Variants in SLC35D2 observed in about 807,000 individuals in gnomAD.
SLC35D2 encodes nucleotide sugar transporter SLC35D2.
SLC35D2 carries 43 observed loss-of-function variants against 41.8 expected under a neutral mutation model. The observed-to-expected ratio is 1.03, with a 90% CI of 0.81 to 1.33. The LOEUF is 1.33. Among genes scored for constraint, SLC35D2 ranks in the 40% most tolerant of loss-of-function variants. The probability of loss-of-function intolerance (pLI) is 0.00; values close to 1 mark genes in which losing one functional copy is unlikely to be tolerated. For synonymous variants in SLC35D2, 150 were observed against 163.9 expected, an observed-to-expected ratio of 0.92 and a Z score of 0.65; for missense variants, 380 against 408.4, an observed-to-expected ratio of 0.93 and a Z score of 0.60.
At chr9:96,378,096 A>T (rs1008869713) in intron 1 of SLC35D2, among the ~76,000 whole-genome samples, 1 of 152,186 alleles carries the variant, frequency 6.6e-6, no homozygotes, top group African/African-American at 2.4e-5. Context: ...TTTTATTAAA[A>T]AAAACCTCTC....
chr9:96,360,645 A>G (rs1329740023), intron 3 of SLC35D2, among the ~76,000 whole-genome samples: 4 of 150,084 alleles, frequency 2.7e-5, no homozygotes, highest in Non-Finnish European at 4.4e-5. Flanking sequence ...AAAAAAAAAA[A>G]AAAAAAAAAG....
At chr9:96,365,388 G>GAC (rs1564120752) in intron 2 of SLC35D2, among the ~76,000 whole-genome samples, 1 of 151,346 alleles carries the variant, frequency 6.6e-6, no homozygotes, top group African/African-American at 2.4e-5. Context: ...ATATCCAATA[G>GAC]ACACACACAC....
chr9:96,382,490 C>CTATATAT (rs1238926572), intron 1 of SLC35D2, among the ~76,000 whole-genome samples: 308 of 144,862 alleles, frequency 2.1e-3, no homozygotes, highest in Non-Finnish European at 3.6e-3. Flanking sequence ...CACACACACA[C>CTATATAT]ACACACTATA....
intron 4 of SLC35D2, among the ~76,000 whole-genome samples, chr9:96,354,793 T>C (rs1272749814): frequency 8.3e-6 from 1 of 120,310 alleles, no homozygotes; most frequent in East Asian, 2.5e-4. Context: ...AAAAAAAAAG[T>C]TACCAAAGCA....
chr9:96,326,952 TGCC>T (rs1828563995), intron 9 of SLC35D2, among the ~76,000 whole-genome samples: 2 of 152,244 alleles, frequency 1.3e-5, no homozygotes, highest in Non-Finnish European at 2.9e-5. Context: ...TGCCACTGAG[TGCC>T]TGCTCTGCCA....
intron 9 of SLC35D2, 143 bp downstream of exon 9, chr9:96,336,574 A>G (rs1478481707): frequency 3.3e-6 from 2 of 601,592 alleles, no homozygotes; most frequent in Non-Finnish European, 5.9e-6. Flanking sequence ...GGTCCCTGAC[A>G]CCTCCTTTGC....
In SLC35D2 at chr9:96,327,238, T is replaced by G. The variant is rs71499936; in HGVS notation, c.753-3069A>C. Among the ~76,000 whole-genome samples, 778 of 152,330 alleles carry G rather than the reference T, an allele frequency of 5.1e-3. 2 individuals are homozygous for G. The highest frequency in any genetic ancestry group is 8.2e-3 in the Non-Finnish European group (561 of 68,026). On this transcript the variant is annotated intron_variant, in intron 9 of 11. Coordinates refer to ENST00000253270, the MANE Select transcript of SLC35D2 (RefSeq NM_007001.3). ...ATTTTCTCCATCCTCCATTTTTCTT[T>G]TCTTAAAAAAGGGTTGGGGGGAACC...
At chr9:96,326,194 T>C (rs1828519526) in intron 9 of SLC35D2, among the ~76,000 whole-genome samples, 1 of 152,204 alleles carries the variant, frequency 6.6e-6, no homozygotes, top group Non-Finnish European at 1.5e-5. Context: ...TTTGGTTTAT[T>C]CTATTTCAAA....
At position 96,321,332 on chromosome 9, in the gene SLC35D2, C is replaced by A. The variant is rs370761962; in HGVS notation, c.924G>T (p.Gly308=). The A allele has an allele frequency of 1.2e-6, 2 of 1,613,180 alleles. No individual in the cohort carries two copies. The highest frequency in any genetic ancestry group is 1.7e-6 in the Non-Finnish European group (2 of 1,179,386). ...GTGTTAAAAAGGAATATCTCAAGCC[C>A]CCTGCCATGCTGAAAGGAGAAAAAA... ...NFVGLNICMA[G]GLRYSFLTLS... The change falls in exon 12 of 12, where the codon GGG becomes GGT. Residue 308 remains glycine (G), a synonymous_variant. Coordinates refer to ENST00000253270, the MANE Select transcript of SLC35D2 (RefSeq NM_007001.3).
chr9:96,319,170 C>T (rs1828127115), downstream of SLC35D2, among the ~76,000 whole-genome samples: 1 of 152,242 alleles, frequency 6.6e-6, no homozygotes, highest in African/African-American at 2.4e-5. Flanking sequence ...CCACACCACA[C>T]ATTCAGACGT....
chr9:96,326,222 A>C (rs1828520735), intron 9 of SLC35D2, among the ~76,000 whole-genome samples: 1 of 152,246 alleles, frequency 6.6e-6, no homozygotes, highest in Non-Finnish European at 1.5e-5. Flanking sequence ...TTAAGTACAG[A>C]AAGCAATCTA....
intron 6 of SLC35D2, among the ~76,000 whole-genome samples, chr9:96,350,079 G>A (rs771652988): frequency 6.6e-6 from 1 of 152,148 alleles, no homozygotes; most frequent in African/African-American, 2.4e-5. Flanking sequence ...TCAGCCCCTG[G>A]CTAGGACTAG....
chr9:96,368,472 G>T (rs189697418), intron 1 of SLC35D2, among the ~76,000 whole-genome samples, 167 bp from the exon 2 acceptor site: 2 of 146,290 alleles, frequency 1.4e-5, no homozygotes, highest in East Asian at 2.0e-4. Context: ...ACAGTGTCTT[G>T]CTCTGTTGCC....
At chr9:96,327,189 A>C (rs953836222) in intron 9 of SLC35D2, among the ~76,000 whole-genome samples, 2 of 152,026 alleles carry the variant, frequency 1.3e-5, no homozygotes, top group Admixed American at 6.6e-5. Context: ...TAAAATTCCA[A>C]CTCCAGGGTT....
chr9:96,368,374 A>G, intron 1 of SLC35D2, 69 bp from the exon 2 acceptor site: 5 of 1,139,190 alleles, frequency 4.4e-6, no homozygotes, highest in Non-Finnish European at 6.4e-6. Context: ...CATAATAAAT[A>G]ATGACAAGTT....
chr9:96,346,291 G>A (rs1297885643), intron 6 of SLC35D2, among the ~76,000 whole-genome samples: 2 of 152,224 alleles, frequency 1.3e-5, no homozygotes, highest in East Asian at 1.9e-4. Flanking sequence ...GGGGACTTAC[G>A]TTTTAAAAAG....
intron 3 of SLC35D2, among the ~76,000 whole-genome samples, chr9:96,362,081 A>G (rs939781690): frequency 2.0e-5 from 3 of 152,372 alleles, no homozygotes; most frequent in Admixed American, 2.0e-4. Context: ...AATGAAAATA[A>G]AAGAATACAG....
chr9:96,332,435 G>A (rs1306369115), intron 9 of SLC35D2, among the ~76,000 whole-genome samples: 1 of 152,106 alleles, frequency 6.6e-6, no homozygotes, highest in Non-Finnish European at 1.5e-5. Context: ...TGCCAAAATG[G>A]AAGTCTCCTT....
At chr9:96,324,487 A>C (rs1007132507) in intron 9 of SLC35D2, among the ~76,000 whole-genome samples, 5 of 151,388 alleles carry the variant, frequency 3.3e-5, no homozygotes, top group African/African-American at 1.2e-4. Flanking sequence ...ATTTATCAGC[A>C]TGTTAAATGA....
Sources: gnomAD v4.1 joint callset for allele counts (sites outside exome capture counted in the v4.1 genomes callset) on GRCh38, gnomAD v4.1.1 for gene constraint, MANE v1.5 for transcripts, NCBI Gene and HGNC (gene_info 2026-07-23, HGNC 2026-07-21) for gene names.